PDE8A: variants seen among roughly 807,000 people sequenced by gnomAD.
PDE8A encodes the protein high affinity cAMP-specific and IBMX-insensitive 3',5'-cyclic phosphodiesterase 8A.
PDE8A carries 59 observed loss-of-function variants against 105.0 expected under a neutral mutation model. The ratio of observed to expected loss-of-function variants is 0.56; its 90% CI spans 0.46 to 0.70. PDE8A has a LOEUF of 0.70. Among genes scored for constraint, PDE8A ranks in the 30% least tolerant of loss-of-function variants. The pLI, the probability that PDE8A is intolerant of heterozygous loss-of-function variation, is 0.00. For synonymous variants in PDE8A, 355 were observed against 371.9 expected (o/e 0.95, Z 0.52); for missense variants, 1,014 against 1,045.9 (o/e 0.97, Z 0.42).
At position 85,117,670 on chromosome 15, in the gene PDE8A, T is replaced by A; in HGVS notation, c.1565T>A (p.Phe522Tyr). 1.2e-6 allele frequency: 2 copies of A among 1,614,172 alleles called. No homozygotes were observed. The highest frequency in any genetic ancestry group is 1.7e-6 in the Non-Finnish European group (2 of 1,179,992). The change falls in exon 17 of 22, where the codon TTT becomes TAT. Residue 522 changes from phenylalanine (F) to tyrosine (Y), a missense_variant. Coordinates refer to ENST00000394553, the MANE Select transcript of PDE8A (RefSeq NM_002605.3). ...TTGATTTATCTTGGTCTCAAAATGT[T>A]TGCTCGCTTTGGAATCTGTGAATTC... ...RPLIYLGLKM[F>Y]ARFGICEFLH...
chr15:85,111,372 T>A lies in PDE8A; in HGVS notation c.1115-2005T>A, dbSNP rs552936017. ...TTTATCTTTTGTTTTAGGTCTTTGA[T>A]CCATTTAAAATTATTTATATCTGGT... is the stretch of plus-strand genomic sequence containing the variant. On this transcript the variant is annotated intron_variant, in intron 12 of 21. Transcript: ENST00000394553. Among the ~76,000 whole-genome samples, 12 of 152,350 alleles carry A rather than the reference T, an allele frequency of 7.9e-5. No individual in the cohort carries two copies. In the South Asian group the frequency reaches 2.1e-3, roughly 26 times the overall value.
intron 3 of PDE8A, among the ~76,000 whole-genome samples, chr15:85,067,560 G>A (rs916116654): frequency 1.3e-5 from 2 of 152,040 alleles, no homozygotes; most frequent in Admixed American, 6.5e-5. Flanking sequence ...TTTAATGTTC[G>A]ATGAATGGGC....
rs1474940049 is a variant in PDE8A, at chr15:85,137,829, C to T, written c.2416C>T (p.Leu806Phe). The T allele has an allele frequency of 1.9e-6, 3 of 1,613,340 alleles. No individual in the cohort carries two copies. The highest frequency in any genetic ancestry group is 2.5e-6 in the Non-Finnish European group (3 of 1,179,364). Residue 806 changes from leucine (L) to phenylalanine (F), a missense_variant, in exon 22 of 22, where the codon CTT becomes TTT. By Grantham distance (22) the Leu-to-Phe change is conservative. Transcript: ENST00000394553. ...FVDLPDLMQHLDNNFKYWKGL... is the reference protein window; with the variant it reads ...FVDLPDLMQHFDNNFKYWKGL... ...AGACCTGCCTGATTTAATGCAGCAT[C>T]TTGACAACAACTTTAAATACTGGAA...
chr15:85,068,393 A>T (rs1299359903), intron 3 of PDE8A, among the ~76,000 whole-genome samples: 1 of 152,118 alleles, frequency 6.6e-6, no homozygotes. Context: ...CAGCACATTC[A>T]TGGGGGATTG....
intron 5 of PDE8A, among the ~76,000 whole-genome samples, chr15:85,077,025 A>G (rs2081390442): frequency 6.7e-6 from 1 of 149,362 alleles, no homozygotes; most frequent in African/African-American, 2.5e-5. Flanking sequence ...AATCGTACTT[A>G]AAAAAAAAAT....
intron 3 of PDE8A, among the ~76,000 whole-genome samples, chr15:85,075,393 T>C (rs1283251875): frequency 6.6e-6 from 1 of 152,246 alleles, no homozygotes; most frequent in Non-Finnish European, 1.5e-5. Flanking sequence ...TTTTACCTAG[T>C]AACTCTTCAT....
intron 1 of PDE8A, among the ~76,000 whole-genome samples, chr15:84,983,104 A>G (rs1268304961): frequency 6.6e-6 from 1 of 152,050 alleles, no homozygotes; most frequent in Admixed American, 6.6e-5. Flanking sequence ...ATGTTTTGTC[A>G]AAGTTTCTGG....
At chr15:85,064,568 C>T in intron 2 of PDE8A, 142 bp downstream of exon 2, 2 of 623,506 alleles carry the variant, frequency 3.2e-6, no homozygotes, top group Non-Finnish European at 5.7e-6. Flanking sequence ...AACTCTGTAA[C>T]AGTATTATAG....
At chr15:85,014,492 TA>T (rs1353597283) in intron 1 of PDE8A, among the ~76,000 whole-genome samples, 1 of 152,242 alleles carries the variant, frequency 6.6e-6, no homozygotes, top group Non-Finnish European at 1.5e-5. Context: ...GTTCTCCATT[TA>T]TTATACCAGT....
intron 1 of PDE8A, among the ~76,000 whole-genome samples, chr15:84,990,058 G>T (rs753736985): frequency 2.0e-5 from 3 of 152,010 alleles, no homozygotes; most frequent in African/African-American, 7.3e-5. Flanking sequence ...GTACTAGAGC[G>T]CAAAATTTGA....
At chr15:85,119,888 T>G (rs1458382532) in intron 17 of PDE8A, among the ~76,000 whole-genome samples, 1 of 152,118 alleles carries the variant, frequency 6.6e-6, no homozygotes, top group Non-Finnish European at 1.5e-5. Context: ...GTTTATGTTT[T>G]AAATGCCTTA....
chr15:85,021,559 T>TA (rs75255453), intron 1 of PDE8A, among the ~76,000 whole-genome samples: 3,699 of 146,738 alleles, frequency 0.025, 157 homozygotes, highest in African/African-American at 0.086. Flanking sequence ...CCCTGGCTCT[T>TA]AAAAAAAAAA....
intron 1 of PDE8A, among the ~76,000 whole-genome samples, chr15:85,038,893 A>C (rs947026858): frequency 1.3e-5 from 2 of 152,174 alleles, no homozygotes; most frequent in Non-Finnish European, 2.9e-5. Flanking sequence ...AGACTGAGGC[A>C]GGCAGATCAC....
At chr15:84,993,179 C>T (rs967257531) in intron 1 of PDE8A, among the ~76,000 whole-genome samples, 3 of 152,172 alleles carry the variant, frequency 2.0e-5, no homozygotes, top group Non-Finnish European at 4.4e-5. Context: ...CGTGGTGGCT[C>T]ATGCCTGTAA....
intron 1 of PDE8A, among the ~76,000 whole-genome samples, chr15:85,053,635 T>C (rs1279173447): frequency 6.6e-6 from 1 of 152,244 alleles, no homozygotes; most frequent in South Asian, 2.1e-4. Flanking sequence ...TATTGGTGTA[T>C]AGGAATGCTT....
intron 1 of PDE8A, among the ~76,000 whole-genome samples, chr15:85,029,045 A>G (rs1417685569): frequency 2.6e-5 from 4 of 152,184 alleles, no homozygotes; most frequent in Admixed American, 6.5e-5. Context: ...ATGTGAAGCT[A>G]CTTTGGAGAG....
At chr15:85,050,120 C>T (rs544592265) in intron 1 of PDE8A, among the ~76,000 whole-genome samples, 4 of 152,050 alleles carry the variant, frequency 2.6e-5, no homozygotes, top group African/African-American at 9.6e-5. Flanking sequence ...AATATATCTT[C>T]TTTGGAGAAG....
At chr15:85,087,988 A>G (rs908834639) in intron 6 of PDE8A, among the ~76,000 whole-genome samples, 2 of 152,198 alleles carry the variant, frequency 1.3e-5, no homozygotes, top group Admixed American at 1.3e-4. Flanking sequence ...AGGTATAGTC[A>G]AAGGATTTTA....
At chr15:85,054,447 A>C (rs1318023390) in intron 1 of PDE8A, among the ~76,000 whole-genome samples, 1 of 152,102 alleles carries the variant, frequency 6.6e-6, no homozygotes, top group Non-Finnish European at 1.5e-5. Context: ...TCCATCAGGT[A>C]CGGGACTTTT....
Sources: allele counts gnomAD v4.1 joint callset (sites outside exome capture counted in the v4.1 genomes callset), GRCh38; gene constraint gnomAD v4.1.1; transcripts MANE v1.5; gene names NCBI Gene and HGNC (gene_info 2026-07-23, HGNC 2026-07-21).